The following CGNL1 variants were observed in gnomAD, a reference collection of about 807,000 sequenced individuals.
CGNL1 encodes cingulin like 1, also known as cingulin-like protein 1.
CGNL1 carries 132 observed loss-of-function variants against 141.2 expected under a neutral mutation model. The ratio of observed to expected loss-of-function variants is 0.93; its 90% CI spans 0.81 to 1.08. The LOEUF (loss-of-function observed/expected upper bound fraction) is 1.08, where lower values mean the gene tolerates loss of function less well. Among genes scored for constraint, CGNL1 ranks in the 50% least tolerant of loss-of-function variants. CGNL1 has a pLI of 0.00. For missense variants in CGNL1, 1,870 were observed against 1,588.6 expected, an observed-to-expected ratio of 1.18 and a Z score of -3.01; for synonymous variants, 690 against 622.1, an observed-to-expected ratio of 1.11 and a Z score of -1.63.
chr15:57,420,430 A>T (rs185154509), intron 1 of CGNL1, among the ~76,000 whole-genome samples: 1 of 152,228 alleles, frequency 6.6e-6, no homozygotes, highest in Non-Finnish European at 1.5e-5. Flanking sequence ...ACTTTCATCA[A>T]TTAACCACAT....
At chr15:57,455,997 A>G (rs537262126) in intron 7 of CGNL1, among the ~76,000 whole-genome samples, 56 of 152,302 alleles carry the variant, frequency 3.7e-4, no homozygotes, top group Admixed American at 5.9e-4. Flanking sequence ...TTAGAGTGTA[A>G]TTAGTCTCCC....
intron 14 of CGNL1, among the ~76,000 whole-genome samples, chr15:57,540,634 G>A (rs1370383395): frequency 6.6e-6 from 1 of 152,136 alleles, no homozygotes; most frequent in African/African-American, 2.4e-5. Flanking sequence ...CTGTGTCCTG[G>A]AAGCTTTTGC....
chr15:57,537,275 C>G (rs1238121479), intron 14 of CGNL1, among the ~76,000 whole-genome samples: 1 of 152,166 alleles, frequency 6.6e-6, no homozygotes. Flanking sequence ...GCAAGGCTGC[C>G]TTGTTGCCTC....
intron 8 of CGNL1, among the ~76,000 whole-genome samples, chr15:57,472,876 T>C (rs928075882): frequency 3.3e-5 from 5 of 152,230 alleles, no homozygotes; most frequent in African/African-American, 4.8e-5. Flanking sequence ...CTAATAAGGC[T>C]TTTATAATGG....
At chr15:57,389,999 A>G (rs2062524866) in intron 1 of CGNL1, among the ~76,000 whole-genome samples, 1 of 152,172 alleles carries the variant, frequency 6.6e-6, no homozygotes, top group Non-Finnish European at 1.5e-5. Flanking sequence ...TATTTTTAGT[A>G]GAGACAGGGT....
intron 7 of CGNL1, among the ~76,000 whole-genome samples, chr15:57,460,449 AGAAAG>A (rs1341556467): frequency 6.6e-6 from 1 of 152,232 alleles, no homozygotes; most frequent in Non-Finnish European, 1.5e-5. Context: ...ACAAAATGGC[AGAAAG>A]AAAAGACAAC....
chr15:57,520,308 G>T (rs2031163778), intron 10 of CGNL1, among the ~76,000 whole-genome samples: 1 of 152,180 alleles, frequency 6.6e-6, no homozygotes, highest in African/African-American at 2.4e-5. Flanking sequence ...CTCTTTCTAT[G>T]CACCTCTCGT....
chr15:57,413,218 T>TCTTCCTCA (rs2062811620), intron 1 of CGNL1, among the ~76,000 whole-genome samples: 2 of 138,920 alleles, frequency 1.4e-5, no homozygotes, highest in Non-Finnish European at 3.1e-5. Flanking sequence ...TCTCTTCCTC[T>TCTTCCTCA]CTTCCTCCCT....
chr15:57,531,624 G>T (rs1422068774), intron 13 of CGNL1, 66 bp from the exon 14 acceptor site: 31 of 996,676 alleles, frequency 3.1e-5, no homozygotes, highest in Admixed American at 1.4e-4. Flanking sequence ...TCTCTGTGGG[G>T]GAGCCTTTGC....
intron 8 of CGNL1, among the ~76,000 whole-genome samples, chr15:57,500,673 C>T (rs553091060): frequency 2.6e-5 from 4 of 151,546 alleles, no homozygotes; most frequent in Admixed American, 1.3e-4. Flanking sequence ...AAGCGTGGAG[C>T]GTTCAGTTCA....
chr15:57,493,016 C>T (rs539713461), intron 8 of CGNL1, among the ~76,000 whole-genome samples: 4 of 152,134 alleles, frequency 2.6e-5, no homozygotes, highest in African/African-American at 9.6e-5. Flanking sequence ...GATAAGGGGA[C>T]GAGTCTAGCT....
intron 1 of CGNL1, among the ~76,000 whole-genome samples, chr15:57,402,343 C>A (rs2152252960): frequency 6.6e-6 from 1 of 152,348 alleles, no homozygotes; most frequent in South Asian, 2.1e-4. Flanking sequence ...TGAGGCCTCA[C>A]TAGAAGCTGA....
intron 8 of CGNL1, among the ~76,000 whole-genome samples, chr15:57,502,022 G>A (rs1267424539): frequency 1.3e-5 from 2 of 152,172 alleles, no homozygotes; most frequent in African/African-American, 2.4e-5. Context: ...GAATGTTCAG[G>A]AGCCTAGAGC....
intron 14 of CGNL1, among the ~76,000 whole-genome samples, chr15:57,538,686 C>T (rs996505969): frequency 1.3e-5 from 2 of 152,154 alleles, no homozygotes; most frequent in African/African-American, 4.8e-5. Context: ...CAGGATTTGT[C>T]CTGAACCCCC....
At chr15:57,433,993 A>G (rs76934535) in intron 1 of CGNL1, among the ~76,000 whole-genome samples, 3 of 152,334 alleles carry the variant, frequency 2.0e-5, no homozygotes, top group East Asian at 3.9e-4. Flanking sequence ...AGAGCCACCA[A>G]TCTGCTTTGG....
At chr15:57,394,744 A>T (rs903891535) in intron 1 of CGNL1, among the ~76,000 whole-genome samples, 3 of 152,202 alleles carry the variant, frequency 2.0e-5, no homozygotes, top group Non-Finnish European at 4.4e-5. Flanking sequence ...GTGGCTGGAG[A>T]TGATCTTATA....
intron 10 of CGNL1, among the ~76,000 whole-genome samples, chr15:57,522,131 ACTT>A (rs2031302963): frequency 6.6e-6 from 1 of 151,910 alleles, no homozygotes; most frequent in Non-Finnish European, 1.5e-5. Context: ...CCCACACTGA[ACTT>A]CTGATTACCT....
intron 8 of CGNL1, among the ~76,000 whole-genome samples, chr15:57,490,468 A>G (rs975955928): frequency 3.3e-5 from 5 of 152,140 alleles, no homozygotes; most frequent in Admixed American, 3.3e-4. Context: ...GGACACAGGA[A>G]CGAAATACAG....
At chr15:57,532,520 C>T (rs139756852) in intron 14 of CGNL1, among the ~76,000 whole-genome samples, 3 of 152,192 alleles carry the variant, frequency 2.0e-5, no homozygotes, top group Non-Finnish European at 2.9e-5. Flanking sequence ...ATCTGCACTT[C>T]GCTTGAGAAA....
Sources: gnomAD v4.1 joint callset for allele counts (sites outside exome capture counted in the v4.1 genomes callset) on GRCh38, gnomAD v4.1.1 for gene constraint, MANE v1.5 for transcripts, NCBI Gene and HGNC (gene_info 2026-07-23, HGNC 2026-07-21) for gene names.